The following SNX24 variants were observed in gnomAD, a reference collection of about 807,000 sequenced individuals.
The protein encoded by SNX24 is sorting nexin-24.
A neutral mutation model predicts 28.7 loss-of-function variants in SNX24; 22 were observed. That is an observed-to-expected ratio of 0.77 (90% CI 0.55 to 1.10). The LOEUF is 1.10. Ranked by LOEUF, SNX24 falls within the 50% of genes least tolerant of loss-of-function variation. The probability of loss-of-function intolerance (pLI) is 0.00; values close to 1 mark genes in which losing one functional copy is unlikely to be tolerated. For missense variants in SNX24, 221 were observed against 201.1 expected, an observed-to-expected ratio of 1.10 and a Z score of -0.60; for synonymous variants, 69 against 71.5, an observed-to-expected ratio of 0.96 and a Z score of 0.18.
intron 1 of SNX24, among the ~76,000 whole-genome samples, chr5:122,909,849 G>C (rs1020139911): frequency 6.6e-6 from 1 of 152,144 alleles, no homozygotes; most frequent in Non-Finnish European, 1.5e-5. Flanking sequence ...AAAGGAATGC[G>C]CCATTACTAC....
intron 3 of SNX24, among the ~76,000 whole-genome samples, chr5:122,990,882 T>TTGTA (rs1234585703): frequency 6.6e-6 from 1 of 152,260 alleles, no homozygotes. Flanking sequence ...TAGTTTATAA[T>TTGTA]TGTATGTATG....
intron 5 of SNX24, chr5:123,023,694 A>G (rs940769022): frequency 3.6e-5 from 35 of 965,982 alleles, no homozygotes; most frequent in Middle Eastern, 3.8e-4. Context: ...GTGGTTTACT[A>G]AAGTTCAAGC....
At chr5:122,929,298 T>C (rs1022459474) in intron 1 of SNX24, among the ~76,000 whole-genome samples, 2 of 152,174 alleles carry the variant, frequency 1.3e-5, no homozygotes, top group Non-Finnish European at 2.9e-5. Context: ...GCTTTCCCTG[T>C]AGTCTGAAGC....
At chr5:122,980,137 C>G (rs1175123198) in intron 3 of SNX24, among the ~76,000 whole-genome samples, 1 of 152,072 alleles carries the variant, frequency 6.6e-6, no homozygotes, top group East Asian at 1.9e-4. Flanking sequence ...ACATTTTATT[C>G]AGTAATACAC....
chr5:123,027,854 C>T (rs1483244531), intron 5 of SNX24, among the ~76,000 whole-genome samples: 2 of 151,934 alleles, frequency 1.3e-5, no homozygotes. Flanking sequence ...GGTGTATGTT[C>T]AAGAAAAGAA....
intron 1 of SNX24, among the ~76,000 whole-genome samples, chr5:122,902,032 A>C (rs78622938): frequency 0.012 from 1,896 of 152,340 alleles, 42 homozygotes; most frequent in African/African-American, 0.044. Context: ...AACCTAAAAC[A>C]TAAGAACAGT....
chr5:122,901,017 A>G (rs1217775096), intron 1 of SNX24, among the ~76,000 whole-genome samples: 8 of 152,038 alleles, frequency 5.3e-5, no homozygotes, highest in African/African-American at 1.9e-4. Context: ...CCTGGCCAAC[A>G]TGGTGAAACC....
At chr5:122,909,674 T>C (rs1280510730) in intron 1 of SNX24, among the ~76,000 whole-genome samples, 2 of 152,192 alleles carry the variant, frequency 1.3e-5, no homozygotes, top group Non-Finnish European at 2.9e-5. Flanking sequence ...TTCTTGGCAC[T>C]GTCTATGTTT....
At chr5:123,002,281 AT>A in intron 6 of SNX24, 1 of 492,358 alleles carries the variant, frequency 2.0e-6, no homozygotes. Context: ...TGATCATGTC[AT>A]TTTGGCCTCT....
At chr5:122,850,491 C>T (rs1020724165) in intron 1 of SNX24, among the ~76,000 whole-genome samples, 13 of 152,188 alleles carry the variant, frequency 8.5e-5, no homozygotes, top group Admixed American at 2.6e-4. Context: ...ATTTAAGAGA[C>T]ACTTAAAAAT....
intron 1 of SNX24, among the ~76,000 whole-genome samples, chr5:122,862,347 G>A (rs1283297156): frequency 6.6e-6 from 1 of 152,180 alleles, no homozygotes; most frequent in African/African-American, 2.4e-5. Context: ...TGGGCTCAGT[G>A]GCTGGCGCCT....
intron 1 of SNX24, among the ~76,000 whole-genome samples, chr5:122,865,640 C>G (rs1466939987): frequency 6.6e-6 from 1 of 152,158 alleles, no homozygotes; most frequent in African/African-American, 2.4e-5. Context: ...TGCCCAGCCA[C>G]TTGCTTGCTT....
At chr5:122,887,721 A>G (rs1290608067) in intron 1 of SNX24, among the ~76,000 whole-genome samples, 3 of 152,002 alleles carry the variant, frequency 2.0e-5, no homozygotes, top group Non-Finnish European at 4.4e-5. Flanking sequence ...TTTTTCTTTG[A>G]GATGGAGTTT....
intron 1 of SNX24, among the ~76,000 whole-genome samples, chr5:122,893,496 T>G (rs1263250531): frequency 2.0e-5 from 3 of 152,190 alleles, no homozygotes; most frequent in Non-Finnish European, 2.9e-5. Context: ...TATGCTTATT[T>G]TATATGTATA....
intron 1 of SNX24, among the ~76,000 whole-genome samples, chr5:122,900,604 C>T (rs1275334208): frequency 6.6e-6 from 1 of 151,624 alleles, no homozygotes; most frequent in Non-Finnish European, 1.5e-5. Flanking sequence ...CCCATCACTA[C>T]AAAAAATATA....
At chr5:123,002,130 A>G in intron 6 of SNX24, 126 bp downstream of exon 6, 1 of 773,364 alleles carries the variant, frequency 1.3e-6, no homozygotes, top group Non-Finnish European at 2.3e-6. Flanking sequence ...CCAATAAACC[A>G]GTGCTCTTGG....
chr5:122,900,490 G>A (rs2150078908), intron 1 of SNX24, among the ~76,000 whole-genome samples: 1 of 152,292 alleles, frequency 6.6e-6, no homozygotes, highest in Middle Eastern at 3.4e-3. Context: ...CTAAGGGCCT[G>A]GTGGAATGGC....
At chr5:122,921,896 G>T (rs1282866303) in intron 1 of SNX24, among the ~76,000 whole-genome samples, 2 of 152,062 alleles carry the variant, frequency 1.3e-5, no homozygotes, top group Non-Finnish European at 2.9e-5. Flanking sequence ...AACAAATTAC[G>T]TGATTATGGT....
chr5:122,882,867 A>G (rs1462533289), intron 1 of SNX24, among the ~76,000 whole-genome samples: 1 of 152,124 alleles, frequency 6.6e-6, no homozygotes, highest in Non-Finnish European at 1.5e-5. Context: ...TATATGATTT[A>G]TTTTCATATC....
Sources: gnomAD v4.1 joint callset for allele counts (sites outside exome capture counted in the v4.1 genomes callset) on GRCh38, gnomAD v4.1.1 for gene constraint, MANE v1.5 for transcripts, NCBI Gene and HGNC (gene_info 2026-07-23, HGNC 2026-07-21) for gene names.